The following KCNQ3 variants were observed in gnomAD, a reference collection of about 807,000 sequenced individuals.
KCNQ3 encodes the protein potassium voltage-gated channel subfamily KQT member 3.
Under a neutral mutation model 92.5 loss-of-function variants are expected in KCNQ3, and 30 were observed. The observed-to-expected ratio is 0.32, with a 90% confidence interval of 0.24 to 0.44. KCNQ3 has a LOEUF of 0.44. KCNQ3 is among the 20% of genes least tolerant of loss of function. The pLI is 1.00. For synonymous variants in KCNQ3, 450 were observed against 468.8 expected, an observed-to-expected ratio of 0.96 and a Z score of 0.52; for missense variants, 913 against 1,140.3, an observed-to-expected ratio of 0.80 and a Z score of 2.87.
At chr8:132,296,333 G>A (rs939191259) in intron 1 of KCNQ3, among the ~76,000 whole-genome samples, 1 of 151,840 alleles carries the variant, frequency 6.6e-6, no homozygotes, top group Non-Finnish European at 1.5e-5. Flanking sequence ...AAAAAGTGAG[G>A]GTAGCAAAGC....
chr8:132,165,846 G>C (rs1826128751), intron 8 of KCNQ3, among the ~76,000 whole-genome samples: 1 of 152,116 alleles, frequency 6.6e-6, no homozygotes, highest in African/African-American at 2.4e-5. Flanking sequence ...ATAAAAATGG[G>C]GTTATGAAAA....
At chr8:132,137,058 A>G (rs1218811860) in intron 12 of KCNQ3, among the ~76,000 whole-genome samples, 1 of 148,382 alleles carries the variant, frequency 6.7e-6, no homozygotes, top group Non-Finnish European at 1.5e-5. Context: ...TTTAGTAGAG[A>G]GGGGGTTTCA....
At chr8:132,166,348 T>TA (rs1335757959) in intron 8 of KCNQ3, among the ~76,000 whole-genome samples, 1 of 152,212 alleles carries the variant, frequency 6.6e-6, no homozygotes, top group Non-Finnish European at 1.5e-5. Flanking sequence ...GCTCTGTTTA[T>TA]AAAAAGCAAT....
chr8:132,411,557 G>A (rs79845133), intron 1 of KCNQ3, among the ~76,000 whole-genome samples: 656 of 152,218 alleles, frequency 4.3e-3, no homozygotes, highest in Non-Finnish European at 7.6e-3. Flanking sequence ...AGGCTACCAG[G>A]AACCCAGGAA....
chr8:132,134,144 C>T (rs979016860), intron 13 of KCNQ3, 146 bp downstream of exon 13: 1 of 699,510 alleles, frequency 1.4e-6, no homozygotes, highest in African/African-American at 1.8e-5. Context: ...TGGCCACCAA[C>T]TGAAACAAGC....
intron 1 of KCNQ3, among the ~76,000 whole-genome samples, chr8:132,195,408 C>T (rs1386846361): frequency 6.6e-6 from 1 of 152,196 alleles, no homozygotes; most frequent in Middle Eastern, 3.2e-3. Context: ...CTTGACGCAG[C>T]TGAGCCAGGC....
At chr8:132,231,493 C>T (rs1814647179) in intron 1 of KCNQ3, among the ~76,000 whole-genome samples, 1 of 152,120 alleles carries the variant, frequency 6.6e-6, no homozygotes, top group African/African-American at 2.4e-5. Context: ...TAAATAAAGA[C>T]ACAAAGGTGA....
At chr8:132,296,382 TTTTTA>T (rs144987880) in intron 1 of KCNQ3, among the ~76,000 whole-genome samples, 92 of 152,112 alleles carry the variant, frequency 6.0e-4, no homozygotes, top group African/African-American at 2.2e-3. Flanking sequence ...CCAAAGCCTC[TTTTTA>T]TTTTATTTTA....
At chr8:132,182,045 C>CA (rs796189262) in intron 3 of KCNQ3, among the ~76,000 whole-genome samples, 4,519 of 91,158 alleles carry the variant, frequency 0.05, 241 homozygotes, top group African/African-American at 0.15. Context: ...GACTCCGTCT[C>CA]AAAAAAAAAA....
At chr8:132,234,850 G>A (rs966817847) in intron 1 of KCNQ3, among the ~76,000 whole-genome samples, 4 of 152,114 alleles carry the variant, frequency 2.6e-5, no homozygotes, top group Non-Finnish European at 4.4e-5. Flanking sequence ...CCATCACCAC[G>A]GCTGCCCTGG....
intron 1 of KCNQ3, among the ~76,000 whole-genome samples, chr8:132,432,839 T>C (rs985985513): frequency 6.6e-6 from 1 of 152,210 alleles, no homozygotes; most frequent in Admixed American, 6.5e-5. Context: ...GTAGGATGTC[T>C]TTCTTGTGCC....
At chr8:132,154,665 G>C (rs1825752014) in intron 9 of KCNQ3, among the ~76,000 whole-genome samples, 1 of 152,208 alleles carries the variant, frequency 6.6e-6, no homozygotes, top group South Asian at 2.1e-4. Context: ...CGCTTGCAGG[G>C]AGGAGGAGCC....
intron 1 of KCNQ3, among the ~76,000 whole-genome samples, chr8:132,428,364 A>AC (rs1270335323): frequency 6.6e-6 from 1 of 152,248 alleles, no homozygotes; most frequent in Non-Finnish European, 1.5e-5. Flanking sequence ...CTTTGGAAGC[A>AC]CACCCTCTCA....
intron 1 of KCNQ3, among the ~76,000 whole-genome samples, chr8:132,424,950 C>A (rs1362881352): frequency 1.3e-5 from 2 of 152,210 alleles, no homozygotes; most frequent in East Asian, 3.8e-4. Flanking sequence ...GAGTCTTTTA[C>A]CAAATAAGTT....
At chr8:132,189,907 A>AAAAGAGAG (rs1480816124) in intron 1 of KCNQ3, among the ~76,000 whole-genome samples, 2 of 132,218 alleles carry the variant, frequency 1.5e-5, no homozygotes, top group African/African-American at 3.5e-5. Flanking sequence ...AAAAAAAAAA[A>AAAAGAGAG]AGAGAGAGAG....
intron 1 of KCNQ3, among the ~76,000 whole-genome samples, chr8:132,467,605 C>T (rs891025349): frequency 6.6e-6 from 1 of 152,196 alleles, no homozygotes; most frequent in African/African-American, 2.4e-5. Context: ...CCTGATCCCT[C>T]AGCCCGACCT....
chr8:132,272,862 T>C (rs944944684), intron 1 of KCNQ3, among the ~76,000 whole-genome samples: 2 of 152,152 alleles, frequency 1.3e-5, no homozygotes, highest in African/African-American at 4.8e-5. Flanking sequence ...CCAAATCTCA[T>C]GTCCTCACAT....
At chr8:132,169,401 T>G (rs1234208835) in intron 8 of KCNQ3, among the ~76,000 whole-genome samples, 1 of 152,216 alleles carries the variant, frequency 6.6e-6, no homozygotes, top group East Asian at 1.9e-4. Flanking sequence ...GGGCATCCAA[T>G]GCATATTAAT....
intron 9 of KCNQ3, among the ~76,000 whole-genome samples, chr8:132,161,644 A>C (rs1563779922): frequency 6.6e-6 from 1 of 152,076 alleles, no homozygotes; most frequent in Non-Finnish European, 1.5e-5. Flanking sequence ...AAAAACAAAA[A>C]ACAAAAAAGA....
Sources: allele counts gnomAD v4.1 joint callset (sites outside exome capture counted in the v4.1 genomes callset), GRCh38; gene constraint gnomAD v4.1.1; transcripts MANE v1.5; gene names NCBI Gene and HGNC (gene_info 2026-07-23, HGNC 2026-07-21).